Variants in RASEF observed in about 807,000 individuals in gnomAD.
RASEF encodes the protein RAS and EF-hand domain containing.
In RASEF, 68 loss-of-function variants were observed where a neutral mutation model predicts 90.1. The observed-to-expected ratio is 0.75, with a 90% CI of 0.62 to 0.92. RASEF has a LOEUF of 0.92. RASEF is among the 40% of genes least tolerant of loss of function. The probability of loss-of-function intolerance (pLI) is 0.00; values close to 1 mark genes in which losing one functional copy is unlikely to be tolerated. For missense variants in RASEF, 949 were observed against 937.2 expected (o/e 1.01, Z -0.16); for synonymous variants, 331 against 345.2 (o/e 0.96, Z 0.46).
chr9:82,982,486 A>C lies in RASEF; in HGVS notation c.*191T>G. On this transcript the variant is annotated 3_prime_UTR_variant, in exon 17 of 17. Coordinates refer to ENST00000376447, the MANE Select transcript of RASEF (RefSeq NM_152573.4). ...TAGTCTATTTAGCCAGAGGGCCCAA[A>C]TCACTCACTGAGACAAAACAAAGAA... 1 of 516,240 alleles carries C rather than the reference A, an allele frequency of 1.9e-6. No homozygotes were observed. Among genetic ancestry groups the C allele is most frequent in the Non-Finnish European group, 3.5e-6 (1 of 284,104 alleles). 32.0% of individuals were successfully genotyped at this position (516,240 alleles called of 1,614,324 possible).
At chr9:83,003,670 G>A (rs558575664) in intron 9 of RASEF, among the ~76,000 whole-genome samples, 16 of 152,156 alleles carry the variant, frequency 1.1e-4, no homozygotes, top group South Asian at 4.2e-4. Context: ...ATAAGCCTTC[G>A]TAACAGGTCT....
At chr9:83,074,620 G>A in the RASEF span, among the ~76,000 whole-genome samples, 20 of 152,164 alleles carry the variant, frequency 1.3e-4, no homozygotes, top group African/African-American at 4.8e-4. Context: ...AAATTTCAGT[G>A]TCCATAAAGC....
At chr9:83,007,859 C>G (rs763672238) in intron 6 of RASEF, among the ~76,000 whole-genome samples, 1 of 152,198 alleles carries the variant, frequency 6.6e-6, no homozygotes, top group Non-Finnish European at 1.5e-5. Context: ...CCTCCTGAGT[C>G]TCTTCTAAGG....
At chr9:83,046,279 G>A (rs560074480) in intron 1 of RASEF, among the ~76,000 whole-genome samples, 32 of 151,950 alleles carry the variant, frequency 2.1e-4, no homozygotes, top group Non-Finnish European at 4.0e-4. Flanking sequence ...TAAGAATCTC[G>A]CATGACTTTT....
intron 1 of RASEF, among the ~76,000 whole-genome samples, chr9:83,034,104 TA>T (rs1829696730): frequency 2.0e-5 from 3 of 152,212 alleles, no homozygotes. Context: ...AGAAAAATAT[TA>T]ATTCCCTTTC....
At chr9:82,996,203 C>A (rs1386299660) in intron 14 of RASEF, among the ~76,000 whole-genome samples, 2 of 152,148 alleles carry the variant, frequency 1.3e-5, no homozygotes, top group South Asian at 2.1e-4. Flanking sequence ...CTCTGTTCAG[C>A]CACTACTGCA....
intron 1 of RASEF, 129 bp downstream of exon 1, chr9:83,062,308 G>T (rs1830218368): frequency 3.4e-6 from 3 of 877,128 alleles, no homozygotes; most frequent in South Asian, 1.7e-5. Context: ...GCGAGTAGGT[G>T]AAGGAAGACA....
At chr9:83,159,140 C>A in the RASEF span, among the ~76,000 whole-genome samples, 48,025 of 148,796 alleles carry the variant, frequency 0.32, 7,830 homozygotes, top group Middle Eastern at 0.43. Context: ...GAGCCAAGAT[C>A]ACGCCACTGC....
At chr9:83,010,602 C>T (rs1829222775) in intron 5 of RASEF, among the ~76,000 whole-genome samples, 1 of 152,182 alleles carries the variant, frequency 6.6e-6, no homozygotes, top group Non-Finnish European at 1.5e-5. Flanking sequence ...GTAAGCCACC[C>T]TTCCCACCAA....
chr9:83,190,665 A>G, the RASEF span, among the ~76,000 whole-genome samples: 1 of 152,236 alleles, frequency 6.6e-6, no homozygotes, highest in Non-Finnish European at 1.5e-5. Context: ...AACACCTGGA[A>G]AAGGCATGGC....
chr9:82,986,195 C>T (rs1828708376), intron 16 of RASEF, among the ~76,000 whole-genome samples: 1 of 152,224 alleles, frequency 6.6e-6, no homozygotes, highest in South Asian at 2.1e-4. Context: ...CACATTGCCA[C>T]TTACTAGCTG....
At chr9:82,986,508 G>A (rs1828715167) in intron 16 of RASEF, among the ~76,000 whole-genome samples, 1 of 152,204 alleles carries the variant, frequency 6.6e-6, no homozygotes, top group African/African-American at 2.4e-5. Context: ...AAATATTAAG[G>A]GGGAAAGTAT....
At chr9:83,017,469 C>T (rs1829364146) in intron 3 of RASEF, among the ~76,000 whole-genome samples, 1 of 151,326 alleles carries the variant, frequency 6.6e-6, no homozygotes, top group Non-Finnish European at 1.5e-5. Context: ...CACAGCACTC[C>T]AGCCTGGGCG....
upstream of RASEF, among the ~76,000 whole-genome samples, chr9:83,065,708 G>C: frequency 6.6e-6 from 1 of 152,196 alleles, no homozygotes; most frequent in East Asian, 1.9e-4. Context: ...CTAACATCCT[G>C]TTTATTCTGC....
the RASEF span, among the ~76,000 whole-genome samples, chr9:83,091,697 A>G: frequency 1.7e-3 from 261 of 152,336 alleles, 2 homozygotes; most frequent in African/African-American, 5.8e-3. Context: ...GTGACATTAA[A>G]ACATTCAACA....
chr9:83,024,673 T>C (rs1829509289), intron 2 of RASEF, among the ~76,000 whole-genome samples: 1 of 152,190 alleles, frequency 6.6e-6, no homozygotes, highest in South Asian at 2.1e-4. Context: ...AAGAAATCCC[T>C]TGTGAATAGA....
At chr9:83,101,155 A>T in the RASEF span, among the ~76,000 whole-genome samples, 1 of 152,240 alleles carries the variant, frequency 6.6e-6, no homozygotes, top group East Asian at 1.9e-4. Context: ...CAAAAGCATT[A>T]CTAGCCTTAT....
the RASEF span, among the ~76,000 whole-genome samples, chr9:83,122,193 C>T: frequency 6.6e-6 from 1 of 152,218 alleles, no homozygotes; most frequent in Non-Finnish European, 1.5e-5. Flanking sequence ...CCACTACTGA[C>T]AGTCAGCTGC....
chr9:83,137,722 C>A, the RASEF span, among the ~76,000 whole-genome samples: 13 of 149,910 alleles, frequency 8.7e-5, no homozygotes, highest in African/African-American at 3.2e-4. Context: ...TGGGATTAGG[C>A]AGAGATGGGA....
Sources: allele counts gnomAD v4.1 joint callset (sites outside exome capture counted in the v4.1 genomes callset), GRCh38; gene constraint gnomAD v4.1.1; transcripts MANE v1.5; gene names NCBI Gene and HGNC (gene_info 2026-07-23, HGNC 2026-07-21).